The following DLGAP1 variants were observed in gnomAD, a reference collection of about 807,000 sequenced individuals.
DLGAP1 encodes disks large-associated protein 1.
Under a neutral mutation model 90.8 loss-of-function variants are expected in DLGAP1, and 11 were observed. The observed-to-expected ratio is 0.12, with a 90% CI of 0.08 to 0.20. DLGAP1 has a LOEUF of 0.20. Ranked by LOEUF, DLGAP1 falls within the 10% of genes least tolerant of loss-of-function variation. The probability of loss-of-function intolerance (pLI) is 1.00; values close to 1 mark genes in which losing one functional copy is unlikely to be tolerated. For missense variants in DLGAP1, 1,050 were observed against 1,333.8 expected, an observed-to-expected ratio of 0.79 and a Z score of 3.31; for synonymous variants, 558 against 540.7, an observed-to-expected ratio of 1.03 and a Z score of -0.44.
chr18:3,905,762 T>C (rs139504428), intron 3 of DLGAP1, among the ~76,000 whole-genome samples: 1 of 152,318 alleles, frequency 6.6e-6, no homozygotes, highest in Non-Finnish European at 1.5e-5. Flanking sequence ...TGTGGATCTC[T>C]AGTCCTGAGA....
intron 2 of DLGAP1, among the ~76,000 whole-genome samples, chr18:4,109,954 T>A (rs953867486): frequency 6.6e-6 from 1 of 152,126 alleles, no homozygotes; most frequent in Non-Finnish European, 1.5e-5. Flanking sequence ...ATTCATATTA[T>A]CTATATTGTG....
chr18:3,623,389 G>C (rs2058171169), intron 7 of DLGAP1, among the ~76,000 whole-genome samples: 1 of 152,140 alleles, frequency 6.6e-6, no homozygotes, highest in Admixed American at 6.5e-5. Context: ...TCCAGGCTTC[G>C]CATGTATAAG....
At chr18:4,160,951 T>C (rs538607458) in intron 1 of DLGAP1, among the ~76,000 whole-genome samples, 1 of 152,192 alleles carries the variant, frequency 6.6e-6, no homozygotes, top group Non-Finnish European at 1.5e-5. Flanking sequence ...CAGAAAATTC[T>C]GGAACCAAGA....
At chr18:4,268,066 T>C (rs1006928672) in intron 1 of DLGAP1, among the ~76,000 whole-genome samples, 5 of 152,222 alleles carry the variant, frequency 3.3e-5, no homozygotes, top group African/African-American at 1.2e-4. Context: ...TCTTGGAGGC[T>C]GGCTGTCATA....
chr18:3,588,049 CTT>C (rs1192925758), intron 7 of DLGAP1, among the ~76,000 whole-genome samples: 2 of 152,202 alleles, frequency 1.3e-5, no homozygotes, highest in African/African-American at 4.8e-5. Context: ...TGAAAGGACT[CTT>C]ATCCATTTAT....
chr18:4,428,094 C>T (rs2083196922), intron 1 of DLGAP1, among the ~76,000 whole-genome samples: 1 of 152,154 alleles, frequency 6.6e-6, no homozygotes, highest in South Asian at 2.1e-4. Flanking sequence ...GATTTTATAG[C>T]AAAGCTGCTT....
chr18:3,947,389 T>C (rs865911174), intron 3 of DLGAP1, among the ~76,000 whole-genome samples: 7 of 152,352 alleles, frequency 4.6e-5, no homozygotes, highest in Non-Finnish European at 2.9e-5. Context: ...AAATGGTAGA[T>C]GTCTACCTCT....
At chr18:3,745,104 T>C (rs143878943) in intron 5 of DLGAP1, among the ~76,000 whole-genome samples, 168 of 152,318 alleles carry the variant, frequency 1.1e-3, no homozygotes, top group African/African-American at 3.9e-3. Flanking sequence ...TACATGATTC[T>C]ACTTACATGA....
intron 1 of DLGAP1, among the ~76,000 whole-genome samples, chr18:4,397,685 G>A (rs1458837601): frequency 6.6e-6 from 1 of 152,084 alleles, no homozygotes; most frequent in African/African-American, 2.4e-5. Flanking sequence ...TATTTGAGCT[G>A]AAATAAGTAA....
At chr18:4,068,266 C>T (rs990739421) in intron 2 of DLGAP1, among the ~76,000 whole-genome samples, 5 of 151,972 alleles carry the variant, frequency 3.3e-5, no homozygotes, top group Middle Eastern at 3.4e-3. Context: ...GTAATAGTGA[C>T]TTACTCAGTA....
intron 1 of DLGAP1, among the ~76,000 whole-genome samples, chr18:4,222,614 G>C (rs889682764): frequency 6.6e-6 from 1 of 151,998 alleles, no homozygotes; most frequent in African/African-American, 2.4e-5. Flanking sequence ...ATAGTATATT[G>C]AGTAAAAATA....
At chr18:4,331,789 T>C (rs2080958198) in intron 1 of DLGAP1, among the ~76,000 whole-genome samples, 1 of 152,040 alleles carries the variant, frequency 6.6e-6, no homozygotes. Flanking sequence ...CTGCCTGGAA[T>C]AAATTCACCT....
intron 10 of DLGAP1, among the ~76,000 whole-genome samples, chr18:3,521,117 C>A (rs1033145628): frequency 6.6e-6 from 1 of 152,304 alleles, no homozygotes; most frequent in African/African-American, 2.4e-5. Context: ...TGACCCCAGA[C>A]GCTTTAGAGG....
rs367609548 is a variant in DLGAP1 at position 4,357,059 on chromosome 18, G to GTC, written c.-267+97945_-267+97946dup. ...CAAAGGACTCATCATCTGTCTGTCT[G>GTC]TCTCTCTCTCTCTCTGTGTATATAC... On this transcript the variant is annotated intron_variant, in intron 1 of 12. Transcript: ENST00000315677. Among the ~76,000 whole-genome samples, 420 of 138,848 alleles carry GTC rather than the reference G, an allele frequency of 3.0e-3. 3 individuals are homozygous for GTC. Among genetic ancestry groups the GTC allele is most frequent in the African/African-American group, 9.8e-3 (372 of 37,884 alleles). 91.1% of individuals were successfully genotyped at this position (138,848 alleles called of 152,430 possible).
chr18:3,528,850 C>T (rs892717390), intron 10 of DLGAP1, among the ~76,000 whole-genome samples: 5 of 152,062 alleles, frequency 3.3e-5, no homozygotes, highest in East Asian at 3.9e-4. Context: ...TATTTCGTGT[C>T]TCTCAAAGTA....
chr18:3,561,483 T>C (rs1599249114), intron 9 of DLGAP1, among the ~76,000 whole-genome samples: 1 of 150,016 alleles, frequency 6.7e-6, no homozygotes, highest in Non-Finnish European at 1.5e-5. Context: ...GTTTTTATTT[T>C]AGTTTCTGAC....
At chr18:3,917,646 A>G (rs1403745035) in intron 3 of DLGAP1, among the ~76,000 whole-genome samples, 2 of 152,210 alleles carry the variant, frequency 1.3e-5, no homozygotes, top group African/African-American at 4.8e-5. Context: ...ATCATTTGCT[A>G]TCAAGTAAAT....
intron 7 of DLGAP1, among the ~76,000 whole-genome samples, chr18:3,640,519 T>C (rs1345361820): frequency 6.6e-6 from 1 of 152,162 alleles, no homozygotes; most frequent in African/African-American, 2.4e-5. Flanking sequence ...GCTCCCAAAC[T>C]GAGGAGAAAC....
rs2058411094 is a variant in DLGAP1 at position 3,628,812 on chromosome 18, T to C, written c.1592-46564A>G. ...TTGATTCACCTATATTGTAATTACATACAACTTGTCAATTTCCATTGCTAT... is the reference window on the plus strand; with the variant it reads ...TTGATTCACCTATATTGTAATTACACACAACTTGTCAATTTCCATTGCTAT... On this transcript the variant is annotated intron_variant, in intron 7 of 12. Coordinates refer to ENST00000315677, the MANE Select transcript of DLGAP1 (RefSeq NM_004746.4). Among the ~76,000 whole-genome samples, 5 of 152,340 alleles carry C rather than the reference T, an allele frequency of 3.3e-5. No homozygotes were observed. In the South Asian group the frequency reaches 1.0e-3, roughly 32 times the overall value.
Sources: allele counts gnomAD v4.1 joint callset (sites outside exome capture counted in the v4.1 genomes callset), GRCh38; gene constraint gnomAD v4.1.1; transcripts MANE v1.5; gene names NCBI Gene and HGNC (gene_info 2026-07-23, HGNC 2026-07-21).